The following GNRHR variants were observed in gnomAD, a reference collection of about 807,000 sequenced individuals.
GNRHR encodes gonadotropin releasing hormone receptor.
A neutral mutation model predicts 28.1 loss-of-function variants in GNRHR; 14 were observed. The ratio of observed to expected loss-of-function variants is 0.50; its 90% confidence interval spans 0.33 to 0.78. GNRHR has a LOEUF of 0.78. Ranked by LOEUF, GNRHR falls within the 30% of genes least tolerant of loss-of-function variation. The pLI, the probability that GNRHR is intolerant of heterozygous loss-of-function variation, is 0.02. For synonymous variants in GNRHR, 141 were observed against 140.5 expected (o/e 1.00, Z -0.02); for missense variants, 366 against 382.1 (o/e 0.96, Z 0.35).
rs1052343063 is a variant in GNRHR at position 67,740,007 on chromosome 4, T to C, written c.*473A>G. The C allele has an allele frequency of 6.6e-6, 1 of 152,510 alleles. No individual in the cohort carries two copies. Among genetic ancestry groups the C allele is most frequent in the African/African-American group, 2.4e-5 (1 of 41,438 alleles). 9.4% of individuals were successfully genotyped at this position (152,510 alleles called of 1,614,324 possible). On this transcript the variant is annotated 3_prime_UTR_variant, in exon 3 of 3. Coordinates refer to ENST00000226413, the MANE Select transcript of GNRHR (RefSeq NM_000406.3). Reference sequence around the variant, plus strand: ...ACTATAGGAGGGAAAGTTGATATTATGGGCAAAGGGCTCTGTGCTCTATGT... The same window carrying C: ...ACTATAGGAGGGAAAGTTGATATTACGGGCAAAGGGCTCTGTGCTCTATGT...
chr4:67,753,706 C>T, intron 1 of GNRHR, 108 bp downstream of exon 1: 1 of 973,036 alleles, frequency 1.0e-6, no homozygotes, highest in South Asian at 1.4e-5. Flanking sequence ...TTCCAGAACC[C>T]AAGCTCTTAA....
intron 2 of GNRHR, among the ~76,000 whole-genome samples, chr4:67,743,934 T>C (rs1309570219): frequency 2.0e-5 from 3 of 152,226 alleles, no homozygotes; most frequent in African/African-American, 7.2e-5. Context: ...GTACCAGATA[T>C]AACTTATGCA....
At position 67,754,107 on chromosome 4, in the gene GNRHR, T is replaced by G. The variant is rs371736192; in HGVS notation, c.229A>C (p.Lys77Gln). The G allele has an allele frequency of 1.2e-6, 2 of 1,614,092 alleles. No individual in the cohort carries two copies. The highest frequency in any genetic ancestry group is 2.7e-5 in the African/African-American group (2 of 74,938). The change falls in exon 1 of 3, where the codon AAG (lysine) becomes CAG (glutamine). Residue 77 changes from lysine to glutamine, a missense_variant. Physicochemically the swap from Lys to Gln is moderately conservative, Grantham distance 53. Coordinates refer to ENST00000226413, the MANE Select transcript of GNRHR (RefSeq NM_000406.3). ...KEKGKKLSRM[K>Q]LLLKHLTLAN... ...AAGGTCAGATGTTTTAAGAGCAGCTTCATTCTTGAGAGCTTTTTCCCTTTC... is the reference window on the plus strand; with the variant it reads ...AAGGTCAGATGTTTTAAGAGCAGCTGCATTCTTGAGAGCTTTTTCCCTTTC...
chr4:67,741,427 C>A (rs2109981745), intron 2 of GNRHR, among the ~76,000 whole-genome samples: 1 of 152,216 alleles, frequency 6.6e-6, no homozygotes, highest in African/African-American at 2.4e-5. Flanking sequence ...ATATATACCA[C>A]ATTTTTTTAT....
At chr4:67,744,912 C>T (rs567705144) in intron 1 of GNRHR, 125 bp from the exon 2 acceptor site, 145 of 618,862 alleles carry the variant, frequency 2.3e-4, no homozygotes, top group African/African-American at 2.2e-3. Flanking sequence ...TAGTGTTATA[C>T]TTCTGACGTT....
At position 67,744,751 on chromosome 4, in the gene GNRHR, A is replaced by G; in HGVS notation, c.559T>C (p.Ser187Pro). The change falls in exon 2 of 3, where the codon TCT (serine) becomes CCT (proline). Residue 187 changes from serine to proline, a missense_variant. Ser to Pro is a moderately conservative substitution (Grantham distance 74). Coordinates refer to ENST00000226413, the MANE Select transcript of GNRHR (RefSeq NM_000406.3). ...IFRMIHLADS[S>P]GQTKVFSQCV... is the part of the protein sequence containing the mutation. ...TGAGAGAAAACTTTTGTCTGTCCAG[A>G]GCTGTCTGCTAGATGAATCATCCTG... The G allele has an allele frequency of 1.9e-6, 3 of 1,602,800 alleles. No individual in the cohort carries two copies. In the African/African-American group the frequency reaches 4.0e-5, roughly 21 times the overall value.
Position 67,740,396 on chromosome 4 carries a change from C to A in GNRHR, c.*84G>T. ...CCTACTTTGTTTGTATGTAAACATG[C>A]TCCAACATTTGTGTTAATCATTCCC... On this transcript the variant is annotated 3_prime_UTR_variant, in exon 3 of 3. Transcript: ENST00000226413. 1.9e-6 allele frequency: 2 copies of A among 1,027,466 alleles called. No individual in the cohort carries two copies. Among genetic ancestry groups the A allele is most frequent in the South Asian group, 1.3e-5 (1 of 77,532 alleles). 63.6% of individuals were successfully genotyped at this position (1,027,466 alleles called of 1,614,324 possible). A position where few individuals can be genotyped will look rare whatever the true frequency, so the allele number is the denominator to read the frequency against.
chr4:67,753,419 A>C (rs1731905737), intron 1 of GNRHR, among the ~76,000 whole-genome samples: 1 of 152,226 alleles, frequency 6.6e-6, no homozygotes, highest in Non-Finnish European at 1.5e-5. Context: ...TCTCAACTAA[A>C]CATTAAAGCC....
chr4:67,744,493 G>T, intron 2 of GNRHR, 75 bp downstream of exon 2: 1 of 848,702 alleles, frequency 1.2e-6, no homozygotes, highest in Non-Finnish European at 2.1e-6. Flanking sequence ...CTGTCACATA[G>T]TTCATGCCAC....
chr4:67,746,740 AT>A (rs146874908), intron 1 of GNRHR, among the ~76,000 whole-genome samples: 19,258 of 151,334 alleles, frequency 0.13, 1,344 homozygotes, highest in South Asian at 0.22. Flanking sequence ...AAAATACTTC[AT>A]TTTTTTTTAA....
In GNRHR at chr4:67,739,287, G is replaced by A. The variant is rs886059561; in HGVS notation, c.*1193C>T. The A allele has an allele frequency of 8.6e-5, 13 of 151,968 alleles. No homozygotes were observed. Among genetic ancestry groups the A allele is most frequent in the East Asian group, 1.9e-4 (1 of 5,194 alleles). 9.4% of individuals were successfully genotyped at this position (151,968 alleles called of 1,614,324 possible). A position where few individuals can be genotyped will look rare whatever the true frequency, so the allele number is the denominator to read the frequency against. On this transcript the variant is annotated 3_prime_UTR_variant, in exon 3 of 3. Transcript: ENST00000226413. ...CTATTTAATGTGAATATCAGTAGGT[G>A]TTAGTTGTGCCATGGGCTGCTGTGG...
intron 1 of GNRHR, among the ~76,000 whole-genome samples, chr4:67,746,187 G>C (rs1731751912): frequency 6.6e-6 from 1 of 151,958 alleles, no homozygotes; most frequent in African/African-American, 2.4e-5. Flanking sequence ...GAAAAATCAT[G>C]TCTACAGCTT....
Position 67,739,199 on chromosome 4 carries a change from G to A in GNRHR, c.*1281C>T, listed in dbSNP as rs1731609819. On this transcript the variant is annotated 3_prime_UTR_variant, in exon 3 of 3. Coordinates refer to ENST00000226413, the MANE Select transcript of GNRHR (RefSeq NM_000406.3). The stretch of plus-strand genomic sequence containing the variant: ...ATCCCTTTCCATTTTTCATGGAAGA[G>A]GTAGACACAAGCCTGAATTACATAA... 1 of 151,894 alleles carries A rather than the reference G, an allele frequency of 6.6e-6. No homozygotes were observed. Among genetic ancestry groups the A allele is most frequent in the East Asian group, 1.9e-4 (1 of 5,192 alleles). 9.4% of individuals were successfully genotyped at this position (151,894 alleles called of 1,614,324 possible). A position where few individuals can be genotyped will look rare whatever the true frequency, so the allele number is the denominator to read the frequency against.
chr4:67,742,657 G>A (rs140814090), intron 2 of GNRHR, among the ~76,000 whole-genome samples: 131 of 152,178 alleles, frequency 8.6e-4, no homozygotes, highest in African/African-American at 3.1e-3. Context: ...ATCTGTTCTT[G>A]TATTTCATAA....
rs1731718719 is a variant in GNRHR at position 67,744,487 on chromosome 4, C to CACAT, written c.742+77_742+80dup. ...GCAAACTGCTTAGAACAGTATCTGT[C>CACAT]ACATAGTTCATGCCACTCTGTTTTG... is the stretch of plus-strand genomic sequence containing the variant. On this transcript the variant is annotated intron_variant, in intron 2 of 2. Coordinates refer to ENST00000226413, the MANE Select transcript of GNRHR (RefSeq NM_000406.3). 4.8e-5 allele frequency: 39 copies of CACAT among 814,636 alleles called. No individual in the cohort carries two copies. The South Asian group carries it at 5.1e-4, about 11-fold the overall frequency. The allele number at this position is 814,636 out of a possible 1,614,324, so 50.5% of individuals were successfully genotyped here.
intron 1 of GNRHR, among the ~76,000 whole-genome samples, chr4:67,746,396 T>A (rs1731755010): frequency 6.6e-6 from 1 of 152,130 alleles, no homozygotes; most frequent in Admixed American, 6.6e-5. Context: ...ATTAAGAAAA[T>A]GTTGCAAGTA....
chr4:67,749,815 T>C (rs1312501110), intron 1 of GNRHR, among the ~76,000 whole-genome samples: 2 of 152,128 alleles, frequency 1.3e-5, no homozygotes, highest in African/African-American at 4.8e-5. Flanking sequence ...TATGATAGCT[T>C]TGTGACCAGG....
intron 1 of GNRHR, among the ~76,000 whole-genome samples, chr4:67,749,531 A>G (rs11931068): frequency 0.22 from 33,213 of 151,784 alleles, 3,880 homozygotes; most frequent in Non-Finnish European, 0.26. Context: ...TCTTCTCTTC[A>G]ATTTATATTT....
chr4:67,750,778 AAAGTTACCCTT>A (rs1731852058), intron 1 of GNRHR, among the ~76,000 whole-genome samples: 1 of 152,166 alleles, frequency 6.6e-6, no homozygotes, highest in East Asian at 1.9e-4. Context: ...GATGAAAATT[AAAGTTACCCTT>A]TTAATGTAAA....
Sources: gnomAD v4.1 joint callset for allele counts (sites outside exome capture counted in the v4.1 genomes callset) on GRCh38, gnomAD v4.1.1 for gene constraint, MANE v1.5 for transcripts, NCBI Gene and HGNC (gene_info 2026-07-23, HGNC 2026-07-21) for gene names.